CCDC7: variants seen among roughly 807,000 people sequenced by gnomAD.
The protein encoded by CCDC7 is coiled-coil domain-containing protein 7.
In CCDC7, 183 loss-of-function variants were observed where a neutral mutation model predicts 196.9. The ratio of observed to expected loss-of-function variants is 0.93; its 90% CI spans 0.82 to 1.05. The LOEUF (loss-of-function observed/expected upper bound fraction) is 1.05. Among genes scored for constraint, CCDC7 ranks in the 50% least tolerant of loss-of-function variants. The pLI, the probability that CCDC7 is intolerant of heterozygous loss-of-function variation, is 0.00. For synonymous variants in CCDC7, 525 were observed against 484.6 expected, an observed-to-expected ratio of 1.08 and a Z score of -1.10; for missense variants, 1,540 against 1,482.2, an observed-to-expected ratio of 1.04 and a Z score of -0.64.
rs1339801408 is a variant in CCDC7, at chr10:32,704,948, C to G, written c.2459-6672C>G. On this transcript the variant is annotated intron_variant, in intron 24 of 41. Transcript: ENST00000639629. ...TGGCTAGGAAAGGGAATTCCCTGAC[C>G]CCTTGCACTTCCCGGGTGAGGCGAT... 2.0e-5 allele frequency among the ~76,000 whole-genome samples: 3 copies of G among 152,132 alleles called. 1 individual carries two copies. Among genetic ancestry groups the G allele is most frequent in the Non-Finnish European group, 4.4e-5 (3 of 68,010 alleles).
intron 18 of CCDC7, among the ~76,000 whole-genome samples, chr10:32,594,927 T>TG (rs1445634307): frequency 6.6e-6 from 1 of 152,224 alleles, no homozygotes; most frequent in Non-Finnish European, 1.5e-5. Flanking sequence ...ATAAGCTTTT[T>TG]GATGTGCTGC....
chr10:32,603,036 C>A (rs1284037329), intron 18 of CCDC7, among the ~76,000 whole-genome samples: 1 of 152,160 alleles, frequency 6.6e-6, no homozygotes, highest in Admixed American at 6.5e-5. Context: ...TGTGCTATCA[C>A]ACACTAGAGC....
chr10:32,708,199 C>T (rs1175822955), intron 24 of CCDC7, among the ~76,000 whole-genome samples: 8 of 152,208 alleles, frequency 5.3e-5, no homozygotes, highest in Admixed American at 2.6e-4. Context: ...TTTGACAAAC[C>T]TGACAAAAAC....
At chr10:32,679,864 C>T (rs1221051931) in intron 21 of CCDC7, among the ~76,000 whole-genome samples, 1 of 152,146 alleles carries the variant, frequency 6.6e-6, no homozygotes, top group African/African-American at 2.4e-5. Context: ...TTATCCATTC[C>T]ATACAAGGGT....
intron 11 of CCDC7, among the ~76,000 whole-genome samples, chr10:32,525,263 A>T (rs1227233903): frequency 6.6e-6 from 1 of 152,160 alleles, no homozygotes; most frequent in African/African-American, 2.4e-5. Context: ...AAGAAAAGAA[A>T]AAAAAACCCA....
At chr10:32,519,665 A>G (rs1169102972) in intron 11 of CCDC7, among the ~76,000 whole-genome samples, 1 of 152,150 alleles carries the variant, frequency 6.6e-6, no homozygotes, top group Non-Finnish European at 1.5e-5. Flanking sequence ...TACAATGTGT[A>G]ATAATCATAT....
At chr10:32,853,670 A>G (rs2136310979) in intron 40 of CCDC7, among the ~76,000 whole-genome samples, 1 of 152,282 alleles carries the variant, frequency 6.6e-6, no homozygotes. Context: ...TTACAATTGC[A>G]TTTCTAGTAT....
intron 28 of CCDC7, among the ~76,000 whole-genome samples, chr10:32,730,093 T>C (rs754833068): frequency 6.6e-6 from 1 of 152,138 alleles, no homozygotes; most frequent in Non-Finnish European, 1.5e-5. Context: ...GATCAACCCA[T>C]CATCCAGGTA....
At chr10:32,648,287 C>G (rs886559535) in intron 20 of CCDC7, among the ~76,000 whole-genome samples, 5 of 151,798 alleles carry the variant, frequency 3.3e-5, no homozygotes, top group Non-Finnish European at 5.9e-5. Flanking sequence ...TTTCTTTTTG[C>G]TTAGTATTGC....
chr10:32,452,364 G>C (rs1385494178), intron 1 of CCDC7, among the ~76,000 whole-genome samples: 2 of 152,194 alleles, frequency 1.3e-5, no homozygotes, highest in Non-Finnish European at 2.9e-5. Flanking sequence ...CTGAAATCCA[G>C]GATCTCAGAT....
rs34677799 is a variant in CCDC7, at chr10:32,849,701, C to CAAAA, written c.3895+999_3895+1002dup. ...ATGGCGAAAGAGCAAGACTCCGTCT[C>CAAAA]AAAAAAAAAAAAAAAAAAAGAAAAG... On this transcript the variant is annotated intron_variant, in intron 39 of 41. Coordinates refer to ENST00000639629, the Ensembl canonical transcript of CCDC7. Among the ~76,000 whole-genome samples the CAAAA allele has an allele frequency of 6.4e-3, 520 of 80,668 alleles. 2 individuals carry two copies. The highest frequency in any genetic ancestry group is 0.022 in the African/African-American group (407 of 18,452). The allele number at this position is 80,668 out of a possible 152,430, so 52.9% of individuals were successfully genotyped here.
intron 9 of CCDC7, among the ~76,000 whole-genome samples, chr10:32,494,006 A>T (rs112083869): frequency 1.6e-4 from 24 of 151,988 alleles, no homozygotes; most frequent in African/African-American, 5.8e-4. Flanking sequence ...TATTCCATTG[A>T]TTGTTTCCTT....
At chr10:32,597,354 A>G (rs912641031) in intron 18 of CCDC7, among the ~76,000 whole-genome samples, 1 of 152,172 alleles carries the variant, frequency 6.6e-6, no homozygotes, top group Non-Finnish European at 1.5e-5. Flanking sequence ...TTCTCGTGCC[A>G]TGGTTTTCAG....
intron 28 of CCDC7, among the ~76,000 whole-genome samples, chr10:32,768,123 CAT>C (rs985331326): frequency 2.2e-4 from 33 of 151,952 alleles, no homozygotes; most frequent in Non-Finnish European, 4.6e-4. Flanking sequence ...ATTTAAATAA[CAT>C]TATTTAAATA....
At chr10:32,709,849 A>G (rs1223342452) in intron 24 of CCDC7, among the ~76,000 whole-genome samples, 1 of 152,042 alleles carries the variant, frequency 6.6e-6, no homozygotes, top group Non-Finnish European at 1.5e-5. Flanking sequence ...GAAATCTGAG[A>G]CTTGTTAAAA....
chr10:32,504,602 T>C (rs1607748), intron 9 of CCDC7, among the ~76,000 whole-genome samples: 13,538 of 152,264 alleles, frequency 0.089, 864 homozygotes, highest in East Asian at 0.33. Flanking sequence ...TAGTATGTTG[T>C]ATTTCCATTT....
chr10:32,866,442 CTGTT>C (rs2094201567), intron 41 of CCDC7, among the ~76,000 whole-genome samples: 1 of 151,298 alleles, frequency 6.6e-6, no homozygotes, highest in African/African-American at 2.4e-5. Context: ...TGAGGGTACT[CTGTT>C]TTTTTAATGT....
intron 40 of CCDC7, 25 bp downstream of exon 41, chr10:32,851,957 C>T (rs751376307): frequency 6.4e-7 from 1 of 1,564,236 alleles, no homozygotes; most frequent in Non-Finnish European, 8.6e-7. Context: ...TTTTAGTGTA[C>T]AGTGTGATTT....
chr10:32,474,414 T>C (rs1347605327), intron 8 of CCDC7, among the ~76,000 whole-genome samples: 1 of 151,542 alleles, frequency 6.6e-6, no homozygotes, highest in African/African-American at 2.4e-5. Context: ...TTTTCTTTTT[T>C]TTTTAGTAGA....
Sources: allele counts gnomAD v4.1 joint callset (sites outside exome capture counted in the v4.1 genomes callset), GRCh38; gene constraint gnomAD v4.1.1; transcripts MANE v1.5; gene names NCBI Gene and HGNC (gene_info 2026-07-23, HGNC 2026-07-21).